The following CDR2 variants were observed in gnomAD, a reference collection of about 807,000 sequenced individuals.
The protein encoded by CDR2 is cerebellar degeneration related protein 2.
In CDR2, 34 loss-of-function variants were observed where a neutral mutation model predicts 48.4. That is an observed-to-expected ratio of 0.70 (90% CI 0.53 to 0.94). The LOEUF (loss-of-function observed/expected upper bound fraction) is 0.94, where lower values mean the gene tolerates loss of function less well. Ranked by LOEUF, CDR2 falls within the 40% of genes least tolerant of loss-of-function variation. The pLI is 0.00. For synonymous variants in CDR2, 240 were observed against 219.7 expected, an observed-to-expected ratio of 1.09 and a Z score of -0.82; for missense variants, 498 against 549.5, an observed-to-expected ratio of 0.91 and a Z score of 0.94.
chr16:22,355,320 C>A (rs537709451), intron 2 of CDR2, among the ~76,000 whole-genome samples: 59 of 152,308 alleles, frequency 3.9e-4, no homozygotes, highest in Non-Finnish European at 7.2e-4. Context: ...CAAGTGCCTC[C>A]CTCCTCTAAT....
intron 1 of CDR2, among the ~76,000 whole-genome samples, chr16:22,365,409 C>T (rs2049038805): frequency 6.6e-6 from 1 of 152,114 alleles, no homozygotes; most frequent in Admixed American, 6.6e-5. Context: ...TTTAAAGTTC[C>T]CATGAATTTG....
chr16:22,360,352 G>A (rs2049002757), intron 2 of CDR2, among the ~76,000 whole-genome samples: 1 of 152,050 alleles, frequency 6.6e-6, no homozygotes, highest in Admixed American at 6.6e-5. Context: ...CCATTATTTT[G>A]AATAGTTTAA....
At chr16:22,356,069 ATT>A (rs2048972402) in intron 2 of CDR2, among the ~76,000 whole-genome samples, 1 of 152,182 alleles carries the variant, frequency 6.6e-6, no homozygotes, top group South Asian at 2.1e-4. Flanking sequence ...ATTCATCACT[ATT>A]TGAAATCATG....
chr16:22,365,124 G>A (rs952099043), intron 1 of CDR2, 110 bp from the exon 2 acceptor site: 3 of 704,836 alleles, frequency 4.3e-6, no homozygotes, highest in Admixed American at 2.4e-5. Flanking sequence ...CCCAATGGAA[G>A]GTGGAGTGGC....
chr16:22,357,782 C>A (rs1468995193), intron 2 of CDR2, among the ~76,000 whole-genome samples: 1 of 152,170 alleles, frequency 6.6e-6, no homozygotes, highest in African/African-American at 2.4e-5. Flanking sequence ...CAAATAAGTA[C>A]AAACAGGCCA....
chr16:22,365,267 T>C, intron 1 of CDR2: 1 of 346,244 alleles, frequency 2.9e-6, no homozygotes, highest in South Asian at 5.1e-5. Flanking sequence ...CAGTTATTTG[T>C]TCAGGAATGA....
chr16:22,373,816 C>A (rs563129069), intron 1 of CDR2, among the ~76,000 whole-genome samples: 18 of 152,372 alleles, frequency 1.2e-4, no homozygotes, highest in African/African-American at 3.6e-4. Flanking sequence ...CAGCAGCCGG[C>A]CCTCCACGCT....
At chr16:22,355,915 T>C (rs2048971564) in intron 2 of CDR2, among the ~76,000 whole-genome samples, 2 of 152,196 alleles carry the variant, frequency 1.3e-5, no homozygotes, top group South Asian at 4.1e-4. Flanking sequence ...AAGATCTTTA[T>C]ACTATGTTTG....
intron 1 of CDR2, among the ~76,000 whole-genome samples, chr16:22,372,033 C>G (rs2049082052): frequency 1.3e-5 from 2 of 152,146 alleles, no homozygotes; most frequent in East Asian, 3.9e-4. Context: ...ACCACACCCA[C>G]CTAATTTTGT....
rs765301159 is a variant in CDR2 at position 22,373,206 on chromosome 16, TA to T, written c.79+1024del. Among the ~76,000 whole-genome samples, 43 of 152,258 alleles carry T rather than the reference TA, an allele frequency of 2.8e-4. No individual in the cohort carries two copies. In the East Asian group the frequency reaches 2.9e-3, roughly 10 times the overall value. ...CAACTGCTAGCTCCTGCTATTAGTA[TA>T]AGAAAAACAGGGGCCCCACTGGCCC... On this transcript the variant is annotated intron_variant, in intron 1 of 4. Transcript: ENST00000268383.
At chr16:22,365,085 CA>C in intron 1 of CDR2, 71 bp from the exon 2 acceptor site, 2 of 968,420 alleles carry the variant, frequency 2.1e-6, no homozygotes, top group Non-Finnish European at 1.6e-6. Context: ...CCCAGTCCTT[CA>C]AAAAAGAACA....
At position 22,347,842 on chromosome 16, in the gene CDR2, AAAG is replaced by A. The variant is rs752236575; in HGVS notation, c.507-22_507-20del. The A allele has an allele frequency of 1.3e-6, 2 of 1,591,044 alleles. No individual in the cohort carries two copies. Among genetic ancestry groups the A allele is most frequent in the East Asian group, 4.5e-5 (2 of 44,604 alleles). On this transcript the variant is annotated intron_variant, in intron 4 of 4. Transcript: ENST00000268383. ...GAAGTGTCTAGGGAAAAAAATATTG[AAAG>A]AATATATTACACAGGTCCACTGAAA...
At chr16:22,356,754 A>AAAAAT (rs774768378) in intron 2 of CDR2, among the ~76,000 whole-genome samples, 9 of 151,918 alleles carry the variant, frequency 5.9e-5, no homozygotes, top group Admixed American at 5.9e-4. Context: ...ACTTTGTCTA[A>AAAAAT]AAAATAAAAT....
intron 2 of CDR2, among the ~76,000 whole-genome samples, chr16:22,360,991 C>T (rs536430034): frequency 1.3e-5 from 2 of 152,220 alleles, no homozygotes; most frequent in East Asian, 3.9e-4. Context: ...CTCAGTGATC[C>T]ATCCGCCTCA....
chr16:22,348,870 G>C (rs1046626997), intron 4 of CDR2, among the ~76,000 whole-genome samples: 1 of 152,200 alleles, frequency 6.6e-6, no homozygotes, highest in African/African-American at 2.4e-5. Context: ...CCACACAAGT[G>C]TTCCATAAAT....
At chr16:22,357,258 G>A (rs931735711) in intron 2 of CDR2, among the ~76,000 whole-genome samples, 8 of 151,972 alleles carry the variant, frequency 5.3e-5, no homozygotes, top group East Asian at 1.9e-4. Context: ...CATGTTGGCC[G>A]GGCTGGTCTT....
At chr16:22,350,321 C>T (rs2048934221) in intron 2 of CDR2, among the ~76,000 whole-genome samples, 1 of 152,218 alleles carries the variant, frequency 6.6e-6, no homozygotes, top group Non-Finnish European at 1.5e-5. Context: ...CAGCACTGCC[C>T]AGAAGCTCCT....
intron 2 of CDR2, among the ~76,000 whole-genome samples, chr16:22,353,063 A>G (rs2048952951): frequency 6.6e-6 from 1 of 152,248 alleles, no homozygotes; most frequent in Non-Finnish European, 1.5e-5. Flanking sequence ...TAATAGCTGC[A>G]GAAATGTTTC....
chr16:22,369,712 T>C (rs570360859), intron 1 of CDR2, among the ~76,000 whole-genome samples: 6 of 152,302 alleles, frequency 3.9e-5, no homozygotes, highest in African/African-American at 1.4e-4. Context: ...AAAAAGTTCA[T>C]TTCCTGTTGA....
Sources: gnomAD v4.1 joint callset for allele counts (sites outside exome capture counted in the v4.1 genomes callset) on GRCh38, gnomAD v4.1.1 for gene constraint, MANE v1.5 for transcripts, NCBI Gene and HGNC (gene_info 2026-07-23, HGNC 2026-07-21) for gene names.